The following ABHD12B variants were observed in gnomAD, a reference collection of about 807,000 sequenced individuals.
ABHD12B encodes the protein abhydrolase domain containing 12B, also known as protein ABHD12B.
In ABHD12B, 42 loss-of-function variants were observed where a neutral mutation model predicts 50.4. The ratio of observed to expected loss-of-function variants is 0.83; its 90% CI spans 0.65 to 1.08. The LOEUF (loss-of-function observed/expected upper bound fraction) is 1.08, where lower values mean the gene tolerates loss of function less well. ABHD12B is among the 50% of genes least tolerant of loss of function. The probability of loss-of-function intolerance (pLI) is 0.00; values close to 1 mark genes in which losing one functional copy is unlikely to be tolerated. For missense variants in ABHD12B, 479 were observed against 447.7 expected, an observed-to-expected ratio of 1.07 and a Z score of -0.63; for synonymous variants, 167 against 160.3, an observed-to-expected ratio of 1.04 and a Z score of -0.32.
intron 5 of ABHD12B, among the ~76,000 whole-genome samples, chr14:50,883,726 C>T (rs1566486767): frequency 6.6e-6 from 1 of 152,236 alleles, no homozygotes; most frequent in Non-Finnish European, 1.5e-5. Context: ...TGCCCCCAGG[C>T]AGATCGTGGG....
intron 9 of ABHD12B, among the ~76,000 whole-genome samples, chr14:50,894,590 G>A (rs2050168480): frequency 6.6e-6 from 1 of 152,110 alleles, no homozygotes; most frequent in South Asian, 2.1e-4. Context: ...ACCGACAGTA[G>A]TTCCAAATAG....
Position 50,880,460 on chromosome 14 carries a change from T to C in ABHD12B, c.344T>C (p.Val115Ala), listed in dbSNP as rs1596002387. The change falls in exon 4 of 13, where the codon GTC becomes GCC. Residue 115 changes from valine (V) to alanine (A), a missense_variant. Physicochemically the swap from Val to Ala is moderately conservative, Grantham distance 64 (BLOSUM62 0). Transcript: ENST00000337334. ...PGVMLGIWHTVPSCRGEDAKG... is the reference protein window; with the variant it reads ...PGVMLGIWHTAPSCRGEDAKG... ...CCTCCCTTGCTCTTCAGGCACACAG[T>C]CCCCAGCTGCCGGGGGGAAGATGCC... is the stretch of plus-strand genomic sequence containing the variant. 1 of 1,608,596 alleles carries C rather than the reference T, an allele frequency of 6.2e-7. No homozygotes were observed. Among genetic ancestry groups the C allele is most frequent in the Non-Finnish European group, 8.5e-7 (1 of 1,177,658 alleles).
intron 5 of ABHD12B, 117 bp downstream of exon 5, chr14:50,881,743 G>A: frequency 2.5e-6 from 3 of 1,196,408 alleles, no homozygotes; most frequent in South Asian, 2.6e-5. Context: ...TACTGGTCAG[G>A]GTGGGTTGTG....
chr14:50,879,148 C>A (rs990280423), intron 3 of ABHD12B, among the ~76,000 whole-genome samples: 2 of 152,210 alleles, frequency 1.3e-5, no homozygotes, highest in Admixed American at 1.3e-4. Context: ...CTAGGACATG[C>A]TCTGCCTTCA....
At chr14:50,880,807 G>A (rs2049932162) in intron 4 of ABHD12B, among the ~76,000 whole-genome samples, 1 of 152,156 alleles carries the variant, frequency 6.6e-6, no homozygotes, top group African/African-American at 2.4e-5. Context: ...TCCAAAAGTT[G>A]GATGTTGATT....
At chr14:50,876,930 A>C (rs548981405) in intron 1 of ABHD12B, among the ~76,000 whole-genome samples, 1 of 152,336 alleles carries the variant, frequency 6.6e-6, no homozygotes, top group African/African-American at 2.4e-5. Context: ...AAAAACTGGA[A>C]GCAGGAGGTG....
intron 8 of ABHD12B, among the ~76,000 whole-genome samples, chr14:50,887,645 T>C (rs1235702540): frequency 6.6e-6 from 1 of 152,192 alleles, no homozygotes; most frequent in Non-Finnish European, 1.5e-5. Flanking sequence ...TGAACTGATA[T>C]TATCTTCTTC....
chr14:50,896,018 T>G (rs925589090), intron 9 of ABHD12B, among the ~76,000 whole-genome samples: 11 of 152,076 alleles, frequency 7.2e-5, no homozygotes, highest in Non-Finnish European at 1.0e-4. Context: ...TTCTTCCCAA[T>G]CCAAAGCCTC....
chr14:50,888,897 G>C lies in ABHD12B; in HGVS notation c.774G>C (p.Leu258Phe). 6.2e-7 allele frequency: 1 copy of C among 1,613,890 alleles called. No homozygotes were observed. Among genetic ancestry groups the C allele is most frequent in the Non-Finnish European group, 8.5e-7 (1 of 1,179,864 alleles). The change falls in exon 9 of 13, where the codon TTG (leucine) becomes TTC (phenylalanine). Residue 258 changes from leucine to phenylalanine, a missense_variant. Transcript: ENST00000337334. ...GGGTTGCAAGTATCAATTATCCCTT[G>C]TTAAAGGTGAGACTCTGATTCATCT... ...NMWVASINYPLLKIYRNIPGF... is the reference protein window; with the variant it reads ...NMWVASINYPFLKIYRNIPGF...
At chr14:50,886,757 G>C in intron 8 of ABHD12B, 73 bp downstream of exon 8, 1 of 1,408,622 alleles carries the variant, frequency 7.1e-7, no homozygotes, top group Non-Finnish European at 9.9e-7. Context: ...AGAGACTATT[G>C]TGTACACTTT....
Position 50,878,088 on chromosome 14 carries a change from G to A in ABHD12B, c.232+9G>A, listed in dbSNP as rs1048279405. ...AATTTATTTTAATTTTTGTAAGTAT[G>A]GACCTTCCATAAATTTTCCTATATA... On this transcript the variant is annotated intron_variant, in intron 2 of 12. Transcript: ENST00000337334. 2 of 1,511,120 alleles carry A rather than the reference G, an allele frequency of 1.3e-6. No individual in the cohort carries two copies. The highest frequency in any genetic ancestry group is 1.3e-5 in the South Asian group (1 of 79,548). 93.6% of individuals were successfully genotyped at this position (1,511,120 alleles called of 1,614,324 possible).
chr14:50,872,378 T>C, intron 1 of ABHD12B, 100 bp downstream of exon 1: 2 of 848,366 alleles, frequency 2.4e-6, no homozygotes, highest in Non-Finnish European at 3.1e-6. Flanking sequence ...CAATCCCCTC[T>C]GCTGGCCCGG....
rs575680641 is a variant in ABHD12B at position 50,903,458 on chromosome 14, T to C, written c.933T>C (p.Tyr311=). 25 of 1,611,866 alleles carry C rather than the reference T, an allele frequency of 1.6e-5. No homozygotes were observed. In the Admixed American group the frequency reaches 2.3e-4, roughly 15 times the overall value. ...ATGACAGGACAGTGCCTTTGGAGTA[T>C]GGGAAAAAGGTAAACTAAGGGCTCA... The part of the protein sequence containing the change: ...GEDDRTVPLE[Y]GKKLYEIARN... Residue 311 remains tyrosine (Y), a synonymous_variant, in exon 11 of 13, where the codon TAT becomes TAC. Transcript: ENST00000337334.
At chr14:50,880,628 A>C (rs2049929103) in intron 4 of ABHD12B, 57 bp downstream of exon 4, 1 of 1,471,610 alleles carries the variant, frequency 6.8e-7, no homozygotes, top group East Asian at 2.5e-5. Flanking sequence ...TTTCAGCCCC[A>C]TGGGGGAATG....
intron 7 of ABHD12B, 75 bp from the exon 8 acceptor site, chr14:50,886,572 T>A: frequency 1.4e-6 from 2 of 1,400,906 alleles, no homozygotes; most frequent in Non-Finnish European, 2.0e-6. Flanking sequence ...AGAGCTTTTA[T>A]CAGATGCTCA....
chr14:50,874,797 T>C (rs182922673), intron 1 of ABHD12B, among the ~76,000 whole-genome samples: 82 of 152,286 alleles, frequency 5.4e-4, no homozygotes, highest in Non-Finnish European at 9.4e-4. Context: ...CTTTATTATC[T>C]ATTGGATAGT....
intron 9 of ABHD12B, chr14:50,892,287 T>G (rs929750178): frequency 4.9e-6 from 2 of 412,166 alleles, no homozygotes; most frequent in African/African-American, 4.3e-5. Flanking sequence ...ATTTGGTGTG[T>G]TTGATTTATT....
intron 9 of ABHD12B, chr14:50,892,910 TG>T (rs2050137868): frequency 6.6e-6 from 1 of 152,252 alleles, no homozygotes; most frequent in Admixed American, 6.5e-5. Flanking sequence ...TTTAGAAGTA[TG>T]ATTCATAACT....
At chr14:50,903,840 C>T (rs2050295597) in intron 11 of ABHD12B, among the ~76,000 whole-genome samples, 1 of 152,108 alleles carries the variant, frequency 6.6e-6, no homozygotes, top group Non-Finnish European at 1.5e-5. Flanking sequence ...TGGCATTTTG[C>T]AGGGAGGTTC....
Sources: allele counts gnomAD v4.1 joint callset (sites outside exome capture counted in the v4.1 genomes callset), GRCh38; gene constraint gnomAD v4.1.1; transcripts MANE v1.5; gene names NCBI Gene and HGNC (gene_info 2026-07-23, HGNC 2026-07-21).